SFMBT1: variants seen among roughly 807,000 people sequenced by gnomAD.
The protein encoded by SFMBT1 is scm-like with four MBT domains protein 1.
In SFMBT1, 32 loss-of-function variants were observed where a neutral mutation model predicts 108.7. The ratio of observed to expected loss-of-function variants is 0.29; its 90% confidence interval spans 0.22 to 0.40. SFMBT1 has a LOEUF of 0.40. Ranked by LOEUF, SFMBT1 falls within the 10% of genes least tolerant of loss-of-function variation. SFMBT1 has a pLI of 1.00. For synonymous variants in SFMBT1, 348 were observed against 369.5 expected (o/e 0.94, Z 0.67); for missense variants, 816 against 1,059.6 (o/e 0.77, Z 3.19).
chr3:53,037,901 G>C (rs1427514694), intron 1 of SFMBT1, among the ~76,000 whole-genome samples: 1 of 152,080 alleles, frequency 6.6e-6, no homozygotes, highest in African/African-American at 2.4e-5. Context: ...CTGAGGTCAG[G>C]GGTTCAAGAC....
At chr3:53,012,286 A>G (rs1698968483) in intron 1 of SFMBT1, among the ~76,000 whole-genome samples, 3 of 152,196 alleles carry the variant, frequency 2.0e-5, no homozygotes, top group African/African-American at 7.2e-5. Flanking sequence ...CTGAGAAGAG[A>G]AGGACAGATA....
intron 1 of SFMBT1, among the ~76,000 whole-genome samples, chr3:52,992,308 A>G (rs1274639996): frequency 6.6e-6 from 1 of 152,232 alleles, no homozygotes; most frequent in East Asian, 1.9e-4. Flanking sequence ...CAAAAGAATA[A>G]AGTATTGTTT....
At position 52,996,963 on chromosome 3, in the gene SFMBT1, G is replaced by A. The variant is rs1016689667; in HGVS notation, c.-130-27705C>T. 6.0e-5 allele frequency among the ~76,000 whole-genome samples: 9 copies of A among 149,890 alleles called. 1 individual carries two copies. Among genetic ancestry groups the A allele is most frequent in the Admixed American group, 2.7e-4 (4 of 14,884 alleles). ...GGTCGCCTGCAGTCCCAGCTACTCC[G>A]GAGGCTGAGGCAGAAGAATAGCTTG... On this transcript the variant is annotated intron_variant, in intron 1 of 20. Transcript: ENST00000394752.
At position 52,931,960 on chromosome 3, in the gene SFMBT1, C is replaced by T. The variant is rs773147384; in HGVS notation, c.700+102G>A. On this transcript the variant is annotated intron_variant, in intron 6 of 20. Coordinates refer to ENST00000394752, the MANE Select transcript of SFMBT1 (RefSeq NM_016329.4). Reference sequence around the variant, plus strand: ...GTAATAGCTCTATTATGAGAACTAACAAAGGTTTTCATAATATGCAGAATA... The same window carrying T: ...GTAATAGCTCTATTATGAGAACTAATAAAGGTTTTCATAATATGCAGAATA... 8.4e-6 allele frequency: 11 copies of T among 1,312,574 alleles called. No individual in the cohort carries two copies. In the Admixed American group the frequency reaches 1.0e-4, roughly 12 times the overall value. 81.3% of individuals were successfully genotyped at this position (1,312,574 alleles called of 1,614,324 possible). A position where few individuals can be genotyped will look rare whatever the true frequency, so the allele number is the denominator to read the frequency against.
intron 10 of SFMBT1, 145 bp downstream of exon 10, chr3:52,925,886 T>C: frequency 1.6e-6 from 1 of 638,320 alleles, no homozygotes; most frequent in Non-Finnish European, 2.6e-6. Flanking sequence ...TGTATTTTCC[T>C]TTAGACCATG....
rs569624224 is a variant in SFMBT1, at chr3:52,997,758, C to T, written c.-130-28500G>A. ...ATCAGGATGCATTGTCTGTAAATGA[C>T]CACATTTTGGGGGTAATAAAATGTT... On this transcript the variant is annotated intron_variant, in intron 1 of 20. Transcript: ENST00000394752. 1.3e-4 allele frequency among the ~76,000 whole-genome samples: 19 copies of T among 150,294 alleles called. 1 individual carries two copies. The South Asian group carries it at 3.4e-3, about 27-fold the overall frequency.
chr3:52,976,708 T>C (rs1416856639), intron 1 of SFMBT1, among the ~76,000 whole-genome samples: 1 of 152,196 alleles, frequency 6.6e-6, no homozygotes, highest in African/African-American at 2.4e-5. Context: ...CCAGCGTATA[T>C]AGCAGACAAA....
chr3:52,955,676 G>A (rs1169774093), intron 2 of SFMBT1, among the ~76,000 whole-genome samples: 1 of 152,106 alleles, frequency 6.6e-6, no homozygotes, highest in Non-Finnish European at 1.5e-5. Context: ...TCCCTGAATA[G>A]ACCAATAATG....
chr3:52,938,869 T>C (rs1478221187), intron 4 of SFMBT1, among the ~76,000 whole-genome samples: 1 of 152,230 alleles, frequency 6.6e-6, no homozygotes, highest in African/African-American at 2.4e-5. Context: ...TTTGCTCAGC[T>C]GAAGCTCATT....
At chr3:52,946,015 T>C (rs554946580) in intron 3 of SFMBT1, among the ~76,000 whole-genome samples, 2 of 152,298 alleles carry the variant, frequency 1.3e-5, no homozygotes, top group South Asian at 2.1e-4. Flanking sequence ...AAAGTTTGCA[T>C]CAGTATCATG....
intron 1 of SFMBT1, among the ~76,000 whole-genome samples, chr3:52,986,373 T>G (rs1043626396): frequency 1.1e-4 from 16 of 152,204 alleles, no homozygotes; most frequent in Admixed American, 3.9e-4. Context: ...AAATTAACCT[T>G]AGCTTACTGT....
At chr3:53,003,769 A>AG (rs1698640412) in intron 1 of SFMBT1, among the ~76,000 whole-genome samples, 2 of 127,584 alleles carry the variant, frequency 1.6e-5, no homozygotes, top group African/African-American at 5.9e-5. Context: ...CAAAAAAAAA[A>AG]AAAAAAGAAA....
intron 15 of SFMBT1, 64 bp downstream of exon 15, chr3:52,913,414 A>G (rs993717478): frequency 1.1e-4 from 179 of 1,560,920 alleles, no homozygotes; most frequent in Non-Finnish European, 4.8e-5. Context: ...GGCTCCCTGT[A>G]GAAATGACCA....
chr3:53,032,928 G>A (rs1011283378), intron 1 of SFMBT1, among the ~76,000 whole-genome samples: 3 of 152,140 alleles, frequency 2.0e-5, no homozygotes, highest in Non-Finnish European at 4.4e-5. Flanking sequence ...GACAAACAGG[G>A]ATTTCTTTAG....
intron 17 of SFMBT1, among the ~76,000 whole-genome samples, chr3:52,910,569 A>C (rs1483444151): frequency 6.6e-6 from 1 of 152,078 alleles, no homozygotes; most frequent in African/African-American, 2.4e-5. Context: ...GCTCACTGCA[A>C]CCTTCATCTC....
chr3:52,981,529 A>ATTTTTTTTTTTTTTTTTTTTTT, intron 1 of SFMBT1, among the ~76,000 whole-genome samples: 1 of 133,052 alleles, frequency 7.5e-6, no homozygotes, highest in Non-Finnish European at 1.6e-5. Context: ...TGCTCAGCTA[A>ATTTTTTTTTTTTTTTTTTTTTT]TTTTTTTTTT....
chr3:53,045,641 C>T (rs1461659520), intron 1 of SFMBT1, among the ~76,000 whole-genome samples, 175 bp downstream of exon 1: 1 of 138,478 alleles, frequency 7.2e-6, no homozygotes, highest in Non-Finnish European at 1.6e-5. Context: ...AACGTGCCGC[C>T]GCCGCCGCCC....
intron 2 of SFMBT1, among the ~76,000 whole-genome samples, chr3:52,958,256 G>A (rs1703844812): frequency 1.3e-5 from 2 of 152,182 alleles, no homozygotes; most frequent in Admixed American, 1.3e-4. Context: ...AAACCACAAT[G>A]AGATACCATC....
chr3:53,034,088 A>T (rs1274723090), intron 1 of SFMBT1, among the ~76,000 whole-genome samples: 7 of 151,398 alleles, frequency 4.6e-5, no homozygotes, highest in Admixed American at 3.9e-4. Context: ...AAAAAAAAAA[A>T]AAAAAAAATC....
Sources: allele counts gnomAD v4.1 joint callset (sites outside exome capture counted in the v4.1 genomes callset), GRCh38; gene constraint gnomAD v4.1.1; transcripts MANE v1.5; gene names NCBI Gene and HGNC (gene_info 2026-07-23, HGNC 2026-07-21).